Variants in GFRAL observed in about 807,000 individuals in gnomAD.
The protein encoded by GFRAL is GDNF family receptor alpha-like.
In GFRAL, 36 loss-of-function variants were observed where a neutral mutation model predicts 45.4. The observed-to-expected ratio is 0.79, with a 90% CI of 0.61 to 1.05. GFRAL has a LOEUF of 1.05. Ranked by LOEUF, GFRAL falls within the 50% of genes least tolerant of loss-of-function variation. GFRAL has a pLI of 0.00. For missense variants in GFRAL, 507 were observed against 467.5 expected, an observed-to-expected ratio of 1.08 and a Z score of -0.78; for synonymous variants, 166 against 154.1, an observed-to-expected ratio of 1.08 and a Z score of -0.57.
chr6:55,396,378 C>G (rs966364037), intron 6 of GFRAL, among the ~76,000 whole-genome samples: 8 of 152,066 alleles, frequency 5.3e-5, no homozygotes, highest in Non-Finnish European at 1.2e-4. Context: ...CTAAAAAAAG[C>G]CTTTTTTCTT....
At chr6:55,333,721 T>C in intron 2 of GFRAL, 65 bp from the exon 3 acceptor site, 1 of 1,020,820 alleles carries the variant, frequency 9.8e-7, no homozygotes, top group Non-Finnish European at 1.4e-6. Flanking sequence ...AAAAGTACTT[T>C]GGGGAGGAAG....
intron 5 of GFRAL, among the ~76,000 whole-genome samples, chr6:55,358,050 T>G (rs976936789): frequency 7.9e-5 from 12 of 151,910 alleles, no homozygotes; most frequent in African/African-American, 2.9e-4. Flanking sequence ...TAATCTTCAT[T>G]ATTATATTTA....
Position 55,401,868 on chromosome 6 carries a change from T to C in GFRAL, c.*15T>C, listed in dbSNP as rs751369988. The C allele has an allele frequency of 5.3e-5, 73 of 1,366,226 alleles. No individual in the cohort carries two copies. The highest frequency in any genetic ancestry group is 2.7e-4 in the East Asian group (12 of 43,656). The allele number at this position is 1,366,226 out of a possible 1,614,324, so 84.6% of individuals were successfully genotyped here. On this transcript the variant is annotated 3_prime_UTR_variant, in exon 9 of 9. Transcript: ENST00000340465. Reference sequence around the variant, plus strand: ...GAGAACTCTGATTCATTAGGAGTCATGGACCTATAACAATCACTCTTTTCT... The same window carrying C: ...GAGAACTCTGATTCATTAGGAGTCACGGACCTATAACAATCACTCTTTTCT...
At chr6:55,370,666 T>C (rs1000234484) in intron 6 of GFRAL, among the ~76,000 whole-genome samples, 1 of 152,216 alleles carries the variant, frequency 6.6e-6, no homozygotes, top group Non-Finnish European at 1.5e-5. Flanking sequence ...AAAATTCTCA[T>C]GTCCAATAAA....
At chr6:55,376,458 G>A (rs754499541) in intron 6 of GFRAL, among the ~76,000 whole-genome samples, 7 of 151,942 alleles carry the variant, frequency 4.6e-5, no homozygotes, top group Non-Finnish European at 7.4e-5. Context: ...TTGTACCTCT[G>A]GTAGGATTCA....
At chr6:55,359,810 G>C (rs1473309719) in intron 6 of GFRAL, among the ~76,000 whole-genome samples, 1 of 151,942 alleles carries the variant, frequency 6.6e-6, no homozygotes, top group Non-Finnish European at 1.5e-5. Flanking sequence ...TTATTTCACT[G>C]AACAAAGCAA....
chr6:55,347,005 A>G (rs1013544258), intron 3 of GFRAL, among the ~76,000 whole-genome samples: 7 of 152,122 alleles, frequency 4.6e-5, no homozygotes, highest in African/African-American at 1.4e-4. Context: ...GTGAGAAAAC[A>G]AAACAGTATA....
At chr6:55,327,628 T>C (rs189903829) in intron 1 of GFRAL, 52 bp downstream of exon 1, 2 of 1,530,390 alleles carry the variant, frequency 1.3e-6, no homozygotes, top group Admixed American at 1.7e-5. Context: ...TACTAATTCT[T>C]TGTAAACTGA....
chr6:55,341,087 A>G (rs1004897525), intron 3 of GFRAL, among the ~76,000 whole-genome samples: 2 of 152,168 alleles, frequency 1.3e-5, no homozygotes, highest in Non-Finnish European at 2.9e-5. Flanking sequence ...TGTAGACTCC[A>G]CCTCTGTGGG....
At chr6:55,335,252 CATCT>C (rs1294849170) in intron 3 of GFRAL, among the ~76,000 whole-genome samples, 1 of 152,054 alleles carries the variant, frequency 6.6e-6, no homozygotes, top group East Asian at 1.9e-4. Flanking sequence ...TGTTGTGTGC[CATCT>C]ATCTGTCTAT....
chr6:55,387,940 A>T (rs1449604804), intron 6 of GFRAL, among the ~76,000 whole-genome samples: 1 of 152,164 alleles, frequency 6.6e-6, no homozygotes, highest in Non-Finnish European at 1.5e-5. Flanking sequence ...TTAGTAAACA[A>T]ATTAGTTCTC....
chr6:55,334,339 G>T (rs1767866535), intron 3 of GFRAL, among the ~76,000 whole-genome samples: 3 of 152,146 alleles, frequency 2.0e-5, no homozygotes, highest in Non-Finnish European at 4.4e-5. Flanking sequence ...TATTATCTTT[G>T]TTGTTAAGGA....
Position 55,350,213 on chromosome 6 carries a change from G to C in GFRAL, c.370+68G>C, listed in dbSNP as rs533687310. ...CTGATAATATAAAATGCAGTTACCA[G>C]GCTTCTTAAAGATAGGCCAATACAG... On this transcript the variant is annotated intron_variant, in intron 4 of 8. Coordinates refer to ENST00000340465, the MANE Select transcript of GFRAL (RefSeq NM_207410.2). The C allele has an allele frequency of 4.2e-6, 4 of 959,552 alleles. No individual in the cohort carries two copies. The South Asian group carries it at 5.4e-5, about 13-fold the overall frequency. 59.4% of individuals were successfully genotyped at this position (959,552 alleles called of 1,614,324 possible).
chr6:55,391,493 G>A (rs563987608), intron 6 of GFRAL, among the ~76,000 whole-genome samples: 1 of 152,318 alleles, frequency 6.6e-6, no homozygotes, highest in East Asian at 1.9e-4. Flanking sequence ...GCTCATCCAT[G>A]TAATCCTAGA....
At chr6:55,401,526 G>A (rs1272823540) in intron 8 of GFRAL, among the ~76,000 whole-genome samples, 6 of 152,100 alleles carry the variant, frequency 3.9e-5, no homozygotes, top group African/African-American at 9.7e-5. Flanking sequence ...AGCCTTCAAA[G>A]AAGTTTGCAG....
At chr6:55,401,591 A>AT (rs1561870347) in intron 8 of GFRAL, among the ~76,000 whole-genome samples, 199 bp from the exon 9 acceptor site, 1 of 152,242 alleles carries the variant, frequency 6.6e-6, no homozygotes. Flanking sequence ...TTAAAAAATG[A>AT]TTACTTGGAC....
chr6:55,328,078 C>A lies in GFRAL; in HGVS notation c.22+502C>A, dbSNP rs371467312. 2.8e-4 allele frequency among the ~76,000 whole-genome samples: 42 copies of A among 151,908 alleles called. 1 individual carries two copies. In the South Asian group the frequency reaches 4.4e-3, roughly 16 times the overall value. On this transcript the variant is annotated intron_variant, in intron 1 of 8. Coordinates refer to ENST00000340465, the MANE Select transcript of GFRAL (RefSeq NM_207410.2). ...TAGAAGTAATTTAGTGAAGTAAAAC[C>A]ACTTAACACCATATCAGAATGCTTC...
chr6:55,392,483 T>C (rs988738313), intron 6 of GFRAL, among the ~76,000 whole-genome samples: 8 of 152,356 alleles, frequency 5.3e-5, no homozygotes, highest in African/African-American at 1.7e-4. Flanking sequence ...TCTGCTGTAA[T>C]GGGTCTCCTG....
At chr6:55,367,411 T>G (rs1342300302) in intron 6 of GFRAL, among the ~76,000 whole-genome samples, 1 of 145,048 alleles carries the variant, frequency 6.9e-6, no homozygotes, top group Non-Finnish European at 1.5e-5. Flanking sequence ...CCAGTCTGTG[T>G]TTTTTAATTG....
Sources: gnomAD v4.1 joint callset for allele counts (sites outside exome capture counted in the v4.1 genomes callset) on GRCh38, gnomAD v4.1.1 for gene constraint, MANE v1.5 for transcripts, NCBI Gene and HGNC (gene_info 2026-07-23, HGNC 2026-07-21) for gene names.